The following PATL2 variants were observed in gnomAD, a reference collection of about 807,000 sequenced individuals.
PATL2 encodes protein PAT1 homolog 2.
PATL2 carries 73 observed loss-of-function variants against 77.0 expected under a neutral mutation model. That is an observed-to-expected ratio of 0.95 (90% CI 0.78 to 1.15). The LOEUF is 1.15. Among genes scored for constraint, PATL2 ranks in the 50% most tolerant of loss-of-function variants. The pLI, the probability that PATL2 is intolerant of heterozygous loss-of-function variation, is 0.00. For missense variants in PATL2, 618 were observed against 655.4 expected (o/e 0.94, Z 0.62); for synonymous variants, 265 against 257.1 (o/e 1.03, Z -0.29).
intron 14 of PATL2, 139 bp from the exon 15 acceptor site, chr15:44,668,621 G>T: frequency 9.1e-7 from 1 of 1,096,814 alleles, no homozygotes; most frequent in Non-Finnish European, 1.3e-6. Flanking sequence ...TCACCACTAT[G>T]ACTCTCCATC....
At chr15:44,692,836 G>C (rs1422658434) in intron 3 of PATL2, among the ~76,000 whole-genome samples, 1 of 152,274 alleles carries the variant, frequency 6.6e-6, no homozygotes, top group African/African-American at 2.4e-5. Flanking sequence ...CGTGACATCT[G>C]AGAAATGGCT....
At position 44,669,855 on chromosome 15, in the gene PATL2, G is replaced by A; in HGVS notation, c.798C>T (p.Ser266=). The part of the protein sequence containing the change: ...AYESVVRIEG[S]LGQVAVSTCF... Reference sequence around the variant, plus strand: ...ATGTCGACACAGCTACCTGGCCCAGGGAACCCTCGATTCGGACCACTGCAT... The same window carrying A: ...ATGTCGACACAGCTACCTGGCCCAGAGAACCCTCGATTCGGACCACTGCAT... Residue 266 remains serine (S), a synonymous_variant, in exon 11 of 18, where the codon TCC becomes TCT. Coordinates refer to ENST00000682850, the MANE Select transcript of PATL2 (RefSeq NM_001387263.1). 1.3e-6 allele frequency: 2 copies of A among 1,551,522 alleles called. No individual in the cohort carries two copies. Among genetic ancestry groups the A allele is most frequent in the Non-Finnish European group, 1.7e-6 (2 of 1,146,976 alleles).
At chr15:44,670,724 C>T (rs1440347437) in intron 9 of PATL2, among the ~76,000 whole-genome samples, 1 of 152,204 alleles carries the variant, frequency 6.6e-6, no homozygotes, top group African/African-American at 2.4e-5. Context: ...CGTCTGTAAC[C>T]TTCCTGCATT....
rs192966980 is a variant in PATL2 at position 44,704,892 on chromosome 15, G to C, written c.-76+5204C>G. On this transcript the variant is annotated intron_variant, in intron 3 of 17. Transcript: ENST00000682850. The stretch of plus-strand genomic sequence containing the variant: ...ATTTATTTCTCCTTCATATTTCAAG[G>C]ATATTTCCACTGGAAAGTCTGCTGC... Among the ~76,000 whole-genome samples, 29 of 152,120 alleles carry C rather than the reference G, an allele frequency of 1.9e-4. No homozygotes were observed. The East Asian group carries it at 4.4e-3, about 23-fold the overall frequency.
At chr15:44,674,011 C>T in intron 6 of PATL2, 139 bp downstream of exon 6, 4 of 756,004 alleles carry the variant, frequency 5.3e-6, no homozygotes, top group Non-Finnish European at 8.6e-6. Flanking sequence ...TATCAAGCTC[C>T]TCTATGATGG....
chr15:44,684,977 A>G (rs2086221298), intron 3 of PATL2, among the ~76,000 whole-genome samples: 1 of 152,232 alleles, frequency 6.6e-6, no homozygotes, highest in African/African-American at 2.4e-5. Context: ...TCAACCCAGA[A>G]TTTCATATCC....
chr15:44,677,835 CT>C (rs1319311200), intron 3 of PATL2, among the ~76,000 whole-genome samples: 1 of 152,056 alleles, frequency 6.6e-6, no homozygotes, highest in Non-Finnish European at 1.5e-5. Context: ...TTGAAAGTTA[CT>C]GAAAAACTTC....
At chr15:44,684,125 C>A (rs1046702747) in intron 3 of PATL2, among the ~76,000 whole-genome samples, 21 of 151,630 alleles carry the variant, frequency 1.4e-4, no homozygotes, top group African/African-American at 5.1e-4. Flanking sequence ...GTAGATAAAT[C>A]CATGAAGATG....
At chr15:44,686,972 G>A (rs1212394285) in intron 3 of PATL2, among the ~76,000 whole-genome samples, 1 of 152,100 alleles carries the variant, frequency 6.6e-6, no homozygotes, top group Non-Finnish European at 1.5e-5. Context: ...TTCTACCAGA[G>A]GTACAATGAG....
chr15:44,666,374 G>C lies in PATL2; in HGVS notation c.1613+18C>G. 6.4e-7 allele frequency: 1 copy of C among 1,551,624 alleles called. No individual in the cohort carries two copies. Among genetic ancestry groups the C allele is most frequent in the Non-Finnish European group, 8.7e-7 (1 of 1,146,934 alleles). Reference sequence around the variant, plus strand: ...GGCTTGAACAAGGGGCTTTGACCTTGTTTCTGCCATTACTTACTCCATCCT... The same window carrying C: ...GGCTTGAACAAGGGGCTTTGACCTTCTTTCTGCCATTACTTACTCCATCCT... On this transcript the variant is annotated intron_variant, in intron 17 of 17. Coordinates refer to ENST00000682850, the MANE Select transcript of PATL2 (RefSeq NM_001387263.1).
At chr15:44,685,661 C>T (rs1566862760) in intron 3 of PATL2, among the ~76,000 whole-genome samples, 1 of 151,162 alleles carries the variant, frequency 6.6e-6, no homozygotes, top group African/African-American at 2.4e-5. Flanking sequence ...ATTCAGGAGA[C>T]CCATCTCATG....
At chr15:44,666,923 C>G in intron 16 of PATL2, 183 bp downstream of exon 16, 1 of 591,752 alleles carries the variant, frequency 1.7e-6, no homozygotes, top group East Asian at 2.8e-5. Context: ...ATACTGCCTC[C>G]TAGAAGAAAC....
intron 3 of PATL2, among the ~76,000 whole-genome samples, chr15:44,690,526 C>T (rs1213330864): frequency 6.9e-6 from 1 of 144,740 alleles, no homozygotes; most frequent in Non-Finnish European, 1.5e-5. Context: ...TTGGTATAAA[C>T]AGCATCTCAC....
At chr15:44,678,313 T>G (rs1443734753) in intron 3 of PATL2, among the ~76,000 whole-genome samples, 1 of 152,228 alleles carries the variant, frequency 6.6e-6, no homozygotes, top group Non-Finnish European at 1.5e-5. Flanking sequence ...AGAAACTTGT[T>G]GCATGAAGAT....
intron 3 of PATL2, among the ~76,000 whole-genome samples, chr15:44,690,561 C>A (rs1484860867): frequency 6.6e-6 from 1 of 150,518 alleles, no homozygotes; most frequent in Non-Finnish European, 1.5e-5. Flanking sequence ...TGCTCTTGAA[C>A]TCCTGGGCTC....
At chr15:44,678,656 A>G (rs543791486) in intron 3 of PATL2, among the ~76,000 whole-genome samples, 8 of 152,286 alleles carry the variant, frequency 5.3e-5, no homozygotes, top group African/African-American at 1.7e-4. Flanking sequence ...GTTGGGTCAG[A>G]TTTTAAAAAG....
intron 3 of PATL2, among the ~76,000 whole-genome samples, chr15:44,703,541 T>G (rs1044184580): frequency 6.6e-6 from 1 of 152,014 alleles, no homozygotes; most frequent in Non-Finnish European, 1.5e-5. Flanking sequence ...TATAATGACC[T>G]TCTTTGTCTC....
chr15:44,666,270 C>CA (rs2141155039), intron 17 of PATL2, 122 bp downstream of exon 17: 1 of 1,322,070 alleles, frequency 7.6e-7, no homozygotes, highest in East Asian at 2.5e-5. Flanking sequence ...TGTGTAGAAC[C>CA]ACTTCTAAAA....
intron 3 of PATL2, among the ~76,000 whole-genome samples, chr15:44,703,071 C>G (rs997479555): frequency 3.3e-5 from 5 of 152,018 alleles, no homozygotes; most frequent in Non-Finnish European, 7.4e-5. Flanking sequence ...GTCAGGAGAT[C>G]AAGACCATCC....
Sources: allele counts gnomAD v4.1 joint callset (sites outside exome capture counted in the v4.1 genomes callset), GRCh38; gene constraint gnomAD v4.1.1; transcripts MANE v1.5; gene names NCBI Gene and HGNC (gene_info 2026-07-23, HGNC 2026-07-21).